CHRNA2: variants seen among roughly 807,000 people sequenced by gnomAD.
CHRNA2 encodes the protein neuronal acetylcholine receptor subunit alpha-2.
CHRNA2 carries 40 observed loss-of-function variants against 45.5 expected under a neutral mutation model. The observed-to-expected ratio is 0.88, with a 90% CI of 0.68 to 1.15. The LOEUF (loss-of-function observed/expected upper bound fraction) is 1.15, where lower values mean the gene tolerates loss of function less well. Ranked by LOEUF, CHRNA2 falls within the 50% of genes most tolerant of loss-of-function variation. The pLI, the probability that CHRNA2 is intolerant of heterozygous loss-of-function variation, is 0.00. For missense variants in CHRNA2, 655 were observed against 701.7 expected, an observed-to-expected ratio of 0.93 and a Z score of 0.75; for synonymous variants, 301 against 296.7, an observed-to-expected ratio of 1.01 and a Z score of -0.15.
chr8:27,469,298 G>T, intron 4 of CHRNA2, 37 bp downstream of exon 4: 1 of 1,542,584 alleles, frequency 6.5e-7, no homozygotes, highest in South Asian at 1.2e-5. Context: ...TGGATTCCCG[G>T]TACCCGCCAC....
intron 5 of CHRNA2, among the ~76,000 whole-genome samples, chr8:27,466,838 T>G (rs1812711552): frequency 6.6e-6 from 1 of 152,226 alleles, no homozygotes; most frequent in Admixed American, 6.5e-5. Flanking sequence ...GCATACCAAG[T>G]GAGCACATGC....
chr8:27,463,784 A>G lies in CHRNA2; in HGVS notation c.659T>C (p.Val220Ala), dbSNP rs748234276. 1.2e-6 allele frequency: 2 copies of G among 1,614,166 alleles called. No homozygotes were observed. The highest frequency in any genetic ancestry group is 4.5e-5 in the East Asian group (2 of 44,882). Residue 220 changes from valine to alanine, a missense_variant, in exon 6 of 7, where the codon GTG becomes GCG. By Grantham distance (64) the Val-to-Ala change is moderately conservative. Around this residue, in one of 3 missense-constraint regions of CHRNA2, gnomAD observed 323 missense variants for 354.4 expected, o/e 0.91. Transcript: ENST00000407991. The surrounding 1 kb of genome is among the most constrained non-coding windows in gnomAD (Gnocchi z 6.1). The part of the protein sequence containing the change: ...KIDLEQMEQT[V>A]DLKDYWESGE... ...GCTCTCCCAGTAGTCCTTCAGGTCCACAGTCTGCTCCATCTGCTCCAGGTC... is the reference window on the plus strand; with the variant it reads ...GCTCTCCCAGTAGTCCTTCAGGTCCGCAGTCTGCTCCATCTGCTCCAGGTC...
Position 27,479,242 on chromosome 8 carries a change from T to C in CHRNA2, c.-555A>G. ...GCACACAGGCTCACGCTGTTCTCTCTCTCTCTCACACACACACACACATAC... is the reference window on the plus strand; with the variant it reads ...GCACACAGGCTCACGCTGTTCTCTCCCTCTCTCACACACACACACACATAC... On this transcript the variant is annotated 5_prime_UTR_variant, in exon 1 of 7. Transcript: ENST00000407991. The C allele has an allele frequency of 6.9e-6, 1 of 143,932 alleles. No individual in the cohort carries two copies. Among genetic ancestry groups the C allele is most frequent in the Non-Finnish European group, 1.5e-5 (1 of 65,688 alleles). 8.9% of individuals were successfully genotyped at this position (143,932 alleles called of 1,614,324 possible). A position where few individuals can be genotyped will look rare whatever the true frequency, so the allele number is the denominator to read the frequency against.
Position 27,471,163 on chromosome 8 carries a change from G to T in CHRNA2, c.-105C>A. The T allele has an allele frequency of 8.9e-7, 1 of 1,125,642 alleles. No individual in the cohort carries two copies. Among genetic ancestry groups the T allele is most frequent in the Non-Finnish European group, 1.3e-6 (1 of 754,252 alleles). The allele number at this position is 1,125,642 out of a possible 1,614,324, so 69.7% of individuals were successfully genotyped here. ...TGCTGGATTCTGTGAGGATTCTGCT[G>T]GATTCTGCGAGGCTTCCTCTCACCA... On this transcript the variant is annotated 5_prime_UTR_variant, in exon 2 of 7. Coordinates refer to ENST00000407991, the MANE Select transcript of CHRNA2 (RefSeq NM_000742.4).
intron 1 of CHRNA2, among the ~76,000 whole-genome samples, chr8:27,476,243 C>A (rs1482965274): frequency 6.6e-6 from 1 of 152,124 alleles, no homozygotes; most frequent in Non-Finnish European, 1.5e-5. Context: ...TAGAGAAGAA[C>A]CAAAAGGAAG....
At chr8:27,469,495 G>A (rs998122801) in intron 3 of CHRNA2, 116 bp from the exon 4 acceptor site, 91 of 1,127,092 alleles carry the variant, frequency 8.1e-5, no homozygotes, top group Admixed American at 2.2e-4. Flanking sequence ...AGCCCAGCCC[G>A]CCCGCCACCC....
intron 3 of CHRNA2, 140 bp from the exon 4 acceptor site, chr8:27,469,519 C>T (rs1351801413): frequency 1.0e-6 from 1 of 960,928 alleles, no homozygotes; most frequent in Non-Finnish European, 1.6e-6. Flanking sequence ...CTGAAACCTG[C>T]CACCCTTACT....
Position 27,462,961 on chromosome 8 carries a change from C to T in CHRNA2, c.1464+18G>A. 1.2e-6 allele frequency: 2 copies of T among 1,613,950 alleles called. No homozygotes were observed. The highest frequency in any genetic ancestry group is 8.5e-7 in the Non-Finnish European group (1 of 1,180,030). ...GGTGGGGCCACCCAGGCTGGCGCCT[C>T]TCCCAACCCCAACGCACCGAAGAGT... On this transcript the variant is annotated intron_variant, in intron 6 of 6. Transcript: ENST00000407991.
At position 27,463,144 on chromosome 8, in the gene CHRNA2, C is replaced by G; in HGVS notation, c.1299G>C (p.Val433=). ...GGTGGCCGTGGCTGCAGAGGGTGCC[C>G]ACAGAGGGGGCCACATGACCTGCAC... ...WACAGHVAPS[V]GTLCSHGHLH... The change falls in exon 6 of 7, where the codon GTG becomes GTC. Residue 433 remains valine (V), a synonymous_variant. Coordinates refer to ENST00000407991, the MANE Select transcript of CHRNA2 (RefSeq NM_000742.4). This position sits in a 1 kb window ranked among gnomAD's most constrained non-coding sequence, Gnocchi z 6.1. 6.2e-7 allele frequency: 1 copy of G among 1,603,870 alleles called. No individual in the cohort carries two copies. Among genetic ancestry groups the G allele is most frequent in the East Asian group, 2.2e-5 (1 of 44,590 alleles).
rs553897766 is a variant in CHRNA2, at chr8:27,469,897, C to G, written c.158G>C (p.Gly53Ala). 3.1e-6 allele frequency: 5 copies of G among 1,614,192 alleles called. No individual in the cohort carries two copies. In the East Asian group the frequency reaches 8.9e-5, roughly 29 times the overall value. Residue 53 changes from glycine to alanine, a missense_variant, in exon 3 of 7, where the codon GGC (glycine) becomes GCC (alanine). Gly to Ala is a moderately conservative substitution (Grantham distance 60). Coordinates refer to ENST00000407991, the MANE Select transcript of CHRNA2 (RefSeq NM_000742.4). ...SPSPTALPQG[G>A]SHTETEDRLF... ...CCGGTCCTCAGTCTCGGTATGCGAG[C>G]CTCCCTGCGGCAATGCCGTGGGACT...
At chr8:27,466,392 C>T (rs781349717) in intron 5 of CHRNA2, among the ~76,000 whole-genome samples, 1 of 152,018 alleles carries the variant, frequency 6.6e-6, no homozygotes, top group Non-Finnish European at 1.5e-5. Flanking sequence ...CTTCAAATAA[C>T]ATTTTTTAAA....
At chr8:27,472,707 A>G (rs1011359766) in intron 1 of CHRNA2, among the ~76,000 whole-genome samples, 1 of 152,230 alleles carries the variant, frequency 6.6e-6, no homozygotes, top group African/African-American at 2.4e-5. Flanking sequence ...AGAGGGGATA[A>G]GAGATCTCTG....
chr8:27,469,571 C>T (rs1400015369), intron 3 of CHRNA2, 190 bp downstream of exon 3: 2 of 870,914 alleles, frequency 2.3e-6, no homozygotes, highest in Non-Finnish European at 3.7e-6. Context: ...CCAATCAATG[C>T]CCTCCTAGGA....
chr8:27,472,132 C>G (rs1413866631), intron 1 of CHRNA2, among the ~76,000 whole-genome samples: 1 of 152,212 alleles, frequency 6.6e-6, no homozygotes, highest in East Asian at 1.9e-4. Context: ...CTCCGTGCCC[C>G]TTCCCAAACC....
At chr8:27,469,524 C>A in intron 3 of CHRNA2, 145 bp from the exon 4 acceptor site, 1 of 942,870 alleles carries the variant, frequency 1.1e-6, no homozygotes, top group Non-Finnish European at 1.7e-6. Flanking sequence ...ACCTGCCACC[C>A]TTACTCAGAT....
At chr8:27,468,379 CCT>C (rs1309131827) in intron 4 of CHRNA2, among the ~76,000 whole-genome samples, 1 of 152,210 alleles carries the variant, frequency 6.6e-6, no homozygotes, top group African/African-American at 2.4e-5. Flanking sequence ...TGAGTGACCC[CCT>C]GATAGCTCCT....
rs1813151251 is a variant in CHRNA2, at chr8:27,479,168, G to C, written c.-481C>G. The C allele has an allele frequency of 6.5e-6, 1 of 152,922 alleles. No individual in the cohort carries two copies. The highest frequency in any genetic ancestry group is 1.5e-5 in the Non-Finnish European group (1 of 68,680). The allele number at this position is 152,922 out of a possible 1,614,324, so 9.5% of individuals were successfully genotyped here. On this transcript the variant is annotated 5_prime_UTR_variant, in exon 1 of 7. Coordinates refer to ENST00000407991, the MANE Select transcript of CHRNA2 (RefSeq NM_000742.4). ...GCAGCCCAGCACAAGCGATTCTGCA[G>C]GTGAAACCCAAGCCTGGCCCCAGGA...
Position 27,463,948 on chromosome 8 carries a change from G to A in CHRNA2, c.495C>T (p.Leu165=), listed in dbSNP as rs1341670445. ...CCCAGTGCACAGTGCCCGTGGAGAAGAGGTGGGCCTTGGTCATGTGGGTCA... is the reference window on the plus strand; with the variant it reads ...CCCAGTGCACAGTGCCCGTGGAGAAAAGGTGGGCCTTGGTCATGTGGGTCA... The part of the protein sequence containing the change: ...FAVTHMTKAH[L]FSTGTVHWVP... The change falls in exon 6 of 7, where the codon CTC becomes CTT. Residue 165 remains leucine, a synonymous_variant. Coordinates refer to ENST00000407991, the MANE Select transcript of CHRNA2 (RefSeq NM_000742.4). This position sits in a 1 kb window ranked among gnomAD's most constrained non-coding sequence, Gnocchi z 6.1. The A allele has an allele frequency of 3.7e-6, 6 of 1,614,082 alleles. No homozygotes were observed. The highest frequency in any genetic ancestry group is 5.1e-6 in the Non-Finnish European group (6 of 1,180,048).
intron 6 of CHRNA2, among the ~76,000 whole-genome samples, chr8:27,462,363 TTA>T (rs1812519830): frequency 6.6e-6 from 1 of 151,874 alleles, no homozygotes; most frequent in South Asian, 2.1e-4. Context: ...TTCCCTAGGC[TTA>T]GTAGAATTTT....
Sources: gnomAD v4.1 joint callset for allele counts (sites outside exome capture counted in the v4.1 genomes callset) on GRCh38, gnomAD v4.1.1 for gene constraint, gnomAD v4.1.1 regional missense constraint, Gnocchi (gnomAD v3.1) non-coding constraint, MANE v1.5 for transcripts, NCBI Gene and HGNC (gene_info 2026-07-23, HGNC 2026-07-21) for gene names.